Variants in STON2 observed in about 807,000 individuals in gnomAD.
The protein encoded by STON2 is stonin 2.
Under a neutral mutation model 65.7 loss-of-function variants are expected in STON2, and 29 were observed. That is an observed-to-expected ratio of 0.44 (90% CI 0.33 to 0.60). STON2 has a LOEUF of 0.60. Among genes scored for constraint, STON2 ranks in the 20% least tolerant of loss-of-function variants. The pLI is 0.03. For synonymous variants in STON2, 404 were observed against 414.2 expected (o/e 0.98, Z 0.30); for missense variants, 1,054 against 1,118.1 (o/e 0.94, Z 0.82).
At chr14:81,282,808 G>A (rs530359392) in intron 5 of STON2, among the ~76,000 whole-genome samples, 2 of 152,290 alleles carry the variant, frequency 1.3e-5, no homozygotes, top group South Asian at 4.1e-4. Flanking sequence ...TATTGAGAAA[G>A]CAGCAGTTAG....
At chr14:81,310,956 TC>T (rs1896400734) in intron 5 of STON2, among the ~76,000 whole-genome samples, 1 of 152,160 alleles carries the variant, frequency 6.6e-6, no homozygotes, top group Non-Finnish European at 1.5e-5. Context: ...GGACTATGTC[TC>T]TGTCTTCTAT....
At chr14:81,313,728 G>A (rs1238130230) in intron 5 of STON2, among the ~76,000 whole-genome samples, 2 of 150,782 alleles carry the variant, frequency 1.3e-5, no homozygotes, top group Non-Finnish European at 2.9e-5. Context: ...CCGGGAGGCA[G>A]ATGTTGCAGT....
chr14:81,303,082 G>T (rs190644307), intron 5 of STON2, among the ~76,000 whole-genome samples: 2 of 151,464 alleles, frequency 1.3e-5, no homozygotes, highest in South Asian at 2.1e-4. Context: ...GTGTGTGTGT[G>T]TGTAAAAGAG....
chr14:81,290,541 TC>T (rs577145691), intron 5 of STON2, among the ~76,000 whole-genome samples: 149 of 152,198 alleles, frequency 9.8e-4, no homozygotes, highest in African/African-American at 3.6e-3. Context: ...CTATATCATT[TC>T]CAGGAGAAAC....
intron 4 of STON2, among the ~76,000 whole-genome samples, chr14:81,333,540 A>C (rs984503803): frequency 1.3e-5 from 2 of 152,244 alleles, no homozygotes; most frequent in Non-Finnish European, 2.9e-5. Flanking sequence ...ACGGCTAGTA[A>C]GTAGGGAAGC....
chr14:81,335,834 T>C (rs953522961), intron 4 of STON2, among the ~76,000 whole-genome samples: 2 of 152,096 alleles, frequency 1.3e-5, no homozygotes, highest in African/African-American at 2.4e-5. Context: ...TAGGAATTCA[T>C]GGAGCATATT....
At chr14:81,430,985 G>T (rs1252922769) in intron 1 of STON2, among the ~76,000 whole-genome samples, 1 of 152,112 alleles carries the variant, frequency 6.6e-6, no homozygotes, top group Non-Finnish European at 1.5e-5. Context: ...TTTCAGGCCA[G>T]GTTTCCTGGA....
chr14:81,412,513 C>T lies in STON2; in HGVS notation c.-198-13933G>A, dbSNP rs1901211696. 2.1e-5 allele frequency among the ~76,000 whole-genome samples: 3 copies of T among 139,836 alleles called. No individual in the cohort carries two copies. In the South Asian group the frequency reaches 7.1e-4, roughly 33 times the overall value. 91.7% of individuals were successfully genotyped at this position (139,836 alleles called of 152,430 possible). On this transcript the variant is annotated intron_variant, in intron 2 of 8. Transcript: ENST00000553821. Reference sequence around the variant, plus strand: ...AAACGACAAATACTATATGATTCCACTTACATGAAGTACTTAGAGTAGTCA... The same window carrying T: ...AAACGACAAATACTATATGATTCCATTTACATGAAGTACTTAGAGTAGTCA...
At chr14:81,389,650 A>G (rs1899985588) in intron 3 of STON2, among the ~76,000 whole-genome samples, 1 of 152,236 alleles carries the variant, frequency 6.6e-6, no homozygotes, top group African/African-American at 2.4e-5. Context: ...CTAGGTGGCC[A>G]ATTTAGACAA....
intron 5 of STON2, among the ~76,000 whole-genome samples, chr14:81,301,010 G>A (rs190770494): frequency 6.6e-6 from 1 of 152,116 alleles, no homozygotes; most frequent in East Asian, 1.9e-4. Context: ...AAAATAAAAT[G>A]ACCATTTATA....
At chr14:81,328,919 T>C (rs74663881) in intron 4 of STON2, among the ~76,000 whole-genome samples, 2,239 of 152,286 alleles carry the variant, frequency 0.015, 30 homozygotes, top group Non-Finnish European at 0.023. Context: ...CAGATGCAGA[T>C]GCCAGCGCCA....
intron 4 of STON2, among the ~76,000 whole-genome samples, chr14:81,335,854 G>A (rs1341831478): frequency 6.6e-6 from 1 of 152,158 alleles, no homozygotes; most frequent in Non-Finnish European, 1.5e-5. Flanking sequence ...TTAGGGGAGA[G>A]AGAATTTAGG....
At chr14:81,432,935 A>G (rs1199520112) in intron 1 of STON2, among the ~76,000 whole-genome samples, 37 of 152,026 alleles carry the variant, frequency 2.4e-4, no homozygotes, top group Admixed American at 2.4e-3. Context: ...GTCTCCCCTT[A>G]GTTTAGTGGT....
chr14:81,425,631 T>TA (rs1901932501), intron 2 of STON2, among the ~76,000 whole-genome samples: 1 of 152,120 alleles, frequency 6.6e-6, no homozygotes, highest in Admixed American at 6.5e-5. Context: ...AGAACCTTCT[T>TA]ACCTGGCTCA....
At chr14:81,436,221 G>GCCCGCCCCCGCCCCCGCC (rs565891885) in intron 1 of STON2, 1 of 151,450 alleles carries the variant, frequency 6.6e-6, no homozygotes, top group Non-Finnish European at 1.5e-5. Flanking sequence ...CTCGCGGCCG[G>GCCCGCCCCCGCCCCCGCC]CCCGCCCCCG....
At chr14:81,361,875 A>G (rs1373158307) in intron 4 of STON2, among the ~76,000 whole-genome samples, 1 of 152,150 alleles carries the variant, frequency 6.6e-6, no homozygotes, top group Admixed American at 6.5e-5. Context: ...CAAAAGACTA[A>G]CAAATATATA....
intron 4 of STON2, chr14:81,333,424 C>A (rs541732020): frequency 7.1e-5 from 23 of 325,374 alleles, no homozygotes; most frequent in African/African-American, 4.5e-4. Context: ...ACGTTTTTTT[C>A]ATTCAGTCTT....
chr14:81,347,771 T>C (rs1235887840), intron 4 of STON2, among the ~76,000 whole-genome samples: 2 of 147,176 alleles, frequency 1.4e-5, no homozygotes, highest in Non-Finnish European at 3.0e-5. Flanking sequence ...ATCCTGGGCA[T>C]GGTGACACAT....
intron 5 of STON2, among the ~76,000 whole-genome samples, chr14:81,317,226 A>C (rs1344801242): frequency 1.3e-5 from 2 of 152,132 alleles, no homozygotes; most frequent in Non-Finnish European, 2.9e-5. Flanking sequence ...TGTTGAGTGA[A>C]CAAATAGAGG....
Sources: allele counts gnomAD v4.1 joint callset (sites outside exome capture counted in the v4.1 genomes callset), GRCh38; gene constraint gnomAD v4.1.1; transcripts MANE v1.5; gene names NCBI Gene and HGNC (gene_info 2026-07-23, HGNC 2026-07-21).